Variants in CYP4B1 observed in about 807,000 individuals in gnomAD.
The protein encoded by CYP4B1 is cytochrome P450 4B1.
CYP4B1 carries 45 observed loss-of-function variants against 54.0 expected under a neutral mutation model. The ratio of observed to expected loss-of-function variants is 0.83; its 90% CI spans 0.66 to 1.07. The LOEUF (loss-of-function observed/expected upper bound fraction) is 1.07, where lower values mean the gene tolerates loss of function less well. Ranked by LOEUF, CYP4B1 falls within the 50% of genes least tolerant of loss-of-function variation. CYP4B1 has a pLI of 0.00. For synonymous variants in CYP4B1, 248 were observed against 247.5 expected, an observed-to-expected ratio of 1.00 and a Z score of -0.02; for missense variants, 656 against 655.4, an observed-to-expected ratio of 1.00 and a Z score of -0.01.
intron 1 of CYP4B1, among the ~76,000 whole-genome samples, chr1:46,799,526 G>T (rs1358168402): frequency 6.6e-6 from 1 of 152,234 alleles, no homozygotes; most frequent in East Asian, 1.9e-4. Context: ...GAGGCCCAAA[G>T]TTTGGACCAG....
chr1:46,805,633 T>C (rs906260409), intron 1 of CYP4B1, among the ~76,000 whole-genome samples: 1 of 152,232 alleles, frequency 6.6e-6, no homozygotes, highest in Non-Finnish European at 1.5e-5. Flanking sequence ...CGATCCCCTC[T>C]TTCCAGGCTC....
intron 2 of CYP4B1, 57 bp from the exon 3 acceptor site, chr1:46,811,083 A>T (rs1305221460): frequency 6.2e-7 from 1 of 1,609,120 alleles, no homozygotes. Context: ...CTACTCATAA[A>T]TGAGCCTCCT....
chr1:46,810,528 TAG>T (rs1679055288), intron 1 of CYP4B1, among the ~76,000 whole-genome samples: 1 of 152,066 alleles, frequency 6.6e-6, no homozygotes, highest in Admixed American at 6.6e-5. Flanking sequence ...TGCAGTGCAG[TAG>T]AGAGTTGGTG....
At chr1:46,810,029 TG>T (rs1054496168) in intron 1 of CYP4B1, among the ~76,000 whole-genome samples, 123 of 152,284 alleles carry the variant, frequency 8.1e-4, no homozygotes, top group African/African-American at 2.8e-3. Context: ...TGTCCCACCA[TG>T]GGGCAGCTCC....
intron 8 of CYP4B1, among the ~76,000 whole-genome samples, chr1:46,815,610 TGTG>T (rs1206680293): frequency 2.6e-5 from 4 of 152,064 alleles, no homozygotes; most frequent in Non-Finnish European, 4.4e-5. Flanking sequence ...GAGGTGGAAA[TGTG>T]GGGGTGAACA....
rs1231942775 is a variant in CYP4B1, at chr1:46,818,790, ACTGGGCC to A, written c.1521_1527del (p.Pro508LeufsTer46). 5 of 1,614,028 alleles carry A rather than the reference ACTGGGCC, an allele frequency of 3.1e-6. No individual in the cohort carries two copies. The highest frequency in any genetic ancestry group is 4.2e-6 in the Non-Finnish European group (5 of 1,179,974). On this transcript the variant is annotated frameshift_variant, in exon 12 of 12. Coordinates refer to ENST00000371923, the MANE Select transcript of CYP4B1 (RefSeq NM_001099772.2). LOFTEE classifies it high-confidence loss of function. ...ATGGCTTTCACCTCCACCTGAAGCC[ACTGGGCC>A]CTGGGTCTGGGAAGTAGCTCTGATG...
intron 8 of CYP4B1, 128 bp downstream of exon 8, chr1:46,815,392 C>A (rs544278601): frequency 1.2e-6 from 1 of 804,496 alleles, no homozygotes; most frequent in Non-Finnish European, 1.8e-6. Flanking sequence ...AGTGTCATAC[C>A]TTTTGTGGTG....
chr1:46,814,958 GA>G, intron 7 of CYP4B1, 115 bp from the exon 8 acceptor site: 1 of 888,122 alleles, frequency 1.1e-6, no homozygotes, highest in Non-Finnish European at 1.8e-6. Context: ...TCCACCCTCT[GA>G]AAAGGAGCTT....
chr1:46,813,651 C>G, intron 5 of CYP4B1, 45 bp downstream of exon 5: 5 of 1,609,836 alleles, frequency 3.1e-6, no homozygotes, highest in Non-Finnish European at 4.2e-6. Context: ...CCAAAGCCAT[C>G]TTAGAGGGGA....
chr1:46,816,112 C>T (rs1292712321), intron 8 of CYP4B1, among the ~76,000 whole-genome samples: 3 of 152,130 alleles, frequency 2.0e-5, no homozygotes, highest in East Asian at 3.9e-4. Context: ...CCCCCCCCCA[C>T]GGGGTATCCA....
chr1:46,811,756 A>C (rs551892088), intron 3 of CYP4B1, among the ~76,000 whole-genome samples: 11 of 152,306 alleles, frequency 7.2e-5, no homozygotes, highest in African/African-American at 2.6e-4. Context: ...GCCATTGAGT[A>C]TTCTTTAGCC....
At position 46,813,984 on chromosome 1, in the gene CYP4B1, C is replaced by T; in HGVS notation, c.696C>T (p.Tyr232=). 6.2e-7 allele frequency: 1 copy of T among 1,614,152 alleles called. No homozygotes were observed. Residue 232 remains tyrosine (Y), a synonymous_variant, in exon 6 of 12, where the codon TAC becomes TAT. Transcript: ENST00000371923. ...AGCAGCGCCTTGTGTCCTTCCAGTA[C>T]CATAATGACTTCATCTACTGGCTCA... ...LMQQRLVSFQ[Y]HNDFIYWLTP...
Position 46,818,021 on chromosome 1 carries a change from G to C in CYP4B1, c.1264G>C (p.Asp422His). 6.2e-7 allele frequency: 1 copy of C among 1,614,106 alleles called. No homozygotes were observed. The highest frequency in any genetic ancestry group is 1.6e-4 in the Middle Eastern group (1 of 6,062). The change falls in exon 10 of 12, where the codon GAC becomes CAC. Residue 422 changes from aspartate (D) to histidine (H), a missense_variant. Physicochemically the swap from Asp to His is moderately conservative, Grantham distance 81. Transcript: ENST00000371923. ...CCATAGGAACAGTGCTGTATGGCCC[G>C]ACCCTGAGGTACCCTTTCCCTGGGC... ...ALHRNSAVWP[D>H]PEVFDSLRFS...
In CYP4B1 at chr1:46,813,420, C is replaced by T. The variant is rs1040472620; in HGVS notation, c.496-62C>T. 3.2e-5 allele frequency: 51 copies of T among 1,608,912 alleles called. No homozygotes were observed. In the African/African-American group the frequency reaches 6.0e-4, roughly 19 times the overall value. On this transcript the variant is annotated intron_variant, in intron 4 of 11. Coordinates refer to ENST00000371923, the MANE Select transcript of CYP4B1 (RefSeq NM_001099772.2). The stretch of plus-strand genomic sequence containing the variant: ...ACGGGTCCTGGAGGGCAGCTTGGGG[C>T]ATCCAGCCCAACTAACCCCTGCATC...
At position 46,817,034 on chromosome 1, in the gene CYP4B1, T is replaced by A; in HGVS notation, c.1074-14T>A. 1 of 1,613,216 alleles carries A rather than the reference T, an allele frequency of 6.2e-7. No homozygotes were observed. Among genetic ancestry groups the A allele is most frequent in the Non-Finnish European group, 8.5e-7 (1 of 1,179,342 alleles). On this transcript the variant is annotated splice_polypyrimidine_tract_variant and intron_variant, in intron 8 of 11. Transcript: ENST00000371923. ...CTTCCCATTCCAAGAATGTTCTGGT[T>A]GTGTTGCTGGCAGGGATGATCTGGG...
intron 1 of CYP4B1, among the ~76,000 whole-genome samples, chr1:46,809,018 TA>T (rs916930860): frequency 3.3e-5 from 5 of 149,930 alleles, no homozygotes; most frequent in Non-Finnish European, 7.4e-5. Flanking sequence ...TACATAATGC[TA>T]GATGACGAGT....
chr1:46,802,930 A>G (rs754851770), intron 1 of CYP4B1, among the ~76,000 whole-genome samples: 2 of 152,208 alleles, frequency 1.3e-5, no homozygotes, highest in African/African-American at 2.4e-5. Context: ...CTCTCTGTGC[A>G]AAAAGGCACA....
chr1:46,814,353 T>A, intron 7 of CYP4B1, 38 bp downstream of exon 7: 1 of 1,510,826 alleles, frequency 6.6e-7, no homozygotes, highest in Non-Finnish European at 9.1e-7. Flanking sequence ...TGAGGACTGG[T>A]CCCAGAGAGG....
intron 1 of CYP4B1, among the ~76,000 whole-genome samples, chr1:46,808,880 A>C (rs1678970915): frequency 6.9e-6 from 1 of 145,366 alleles, no homozygotes; most frequent in Non-Finnish European, 1.5e-5. Context: ...CAAAAAACCA[A>C]ACACCGCATA....
Sources: gnomAD v4.1 joint callset for allele counts (sites outside exome capture counted in the v4.1 genomes callset) on GRCh38, gnomAD v4.1.1 for gene constraint, MANE v1.5 for transcripts, NCBI Gene and HGNC (gene_info 2026-07-23, HGNC 2026-07-21) for gene names.